STK31: variants seen among roughly 807,000 people sequenced by gnomAD.
STK31 encodes the protein serine/threonine-protein kinase 31.
Under a neutral mutation model 129.7 loss-of-function variants are expected in STK31, and 89 were observed. The ratio of observed to expected loss-of-function variants is 0.69; its 90% CI spans 0.58 to 0.82. The LOEUF (loss-of-function observed/expected upper bound fraction) is 0.82, where lower values mean the gene tolerates loss of function less well. Among genes scored for constraint, STK31 ranks in the 40% least tolerant of loss-of-function variants. The pLI is 0.00. For synonymous variants in STK31, 448 were observed against 395.3 expected (o/e 1.13, Z -1.58); for missense variants, 1,187 against 1,176.4 (o/e 1.01, Z -0.13).
At chr7:23,753,463 C>T (rs184711578) in intron 9 of STK31, among the ~76,000 whole-genome samples, 1 of 152,248 alleles carries the variant, frequency 6.6e-6, no homozygotes, top group African/African-American at 2.4e-5. Flanking sequence ...TGGCCACCTG[C>T]AACCCCTGGA....
At chr7:23,714,676 A>G (rs1467169633) in intron 3 of STK31, among the ~76,000 whole-genome samples, 1 of 152,174 alleles carries the variant, frequency 6.6e-6, no homozygotes, top group Non-Finnish European at 1.5e-5. Context: ...CCATATTTCA[A>G]GTGGGTATTG....
chr7:23,785,723 CATG>C, intron 18 of STK31, 120 bp downstream of exon 18: 1 of 1,297,722 alleles, frequency 7.7e-7, no homozygotes, highest in Non-Finnish European at 1.0e-6. Context: ...AGTTGACTGG[CATG>C]ATAATTGTGC....
chr7:23,712,862 G>T (rs550013393), intron 3 of STK31, among the ~76,000 whole-genome samples: 3 of 152,124 alleles, frequency 2.0e-5, no homozygotes, highest in Admixed American at 6.5e-5. Flanking sequence ...TGCACAGAAC[G>T]ACCTGCTAAT....
chr7:23,766,358 G>C (rs1213754267), intron 11 of STK31, among the ~76,000 whole-genome samples: 1 of 152,074 alleles, frequency 6.6e-6, no homozygotes, highest in Non-Finnish European at 1.5e-5. Flanking sequence ...TGGCTCCTGG[G>C]TTCAAGCAAT....
intron 15 of STK31, among the ~76,000 whole-genome samples, chr7:23,780,209 G>A (rs1223017966): frequency 6.6e-6 from 1 of 152,070 alleles, no homozygotes. Flanking sequence ...GGGTACCTCA[G>A]TTTGAAATGC....
rs368305296 is a variant in STK31, at chr7:23,781,549, A to C, written c.2067+29A>C. ...AGTATTTGGTTCTTTGAAGTTTTACATTAGGTTTTACTCTAGAAATTGAAT... is the reference window on the plus strand; with the variant it reads ...AGTATTTGGTTCTTTGAAGTTTTACCTTAGGTTTTACTCTAGAAATTGAAT... On this transcript the variant is annotated intron_variant, in intron 16 of 23. Coordinates refer to ENST00000355870, the MANE Select transcript of STK31 (RefSeq NM_031414.5). 6.6e-6 allele frequency: 10 copies of C among 1,515,608 alleles called. No individual in the cohort carries two copies. In the African/African-American group the frequency reaches 9.7e-5, roughly 15 times the overall value. 93.9% of individuals were successfully genotyped at this position (1,515,608 alleles called of 1,614,324 possible).
At chr7:23,798,178 G>A (rs186477221) in intron 22 of STK31, among the ~76,000 whole-genome samples, 492 of 152,226 alleles carry the variant, frequency 3.2e-3, no homozygotes, top group African/African-American at 0.012. Context: ...GGTACAAAGA[G>A]GAGCTAGTAC....
chr7:23,825,560 C>T (rs1170419805), intron 23 of STK31, among the ~76,000 whole-genome samples: 1 of 152,086 alleles, frequency 6.6e-6, no homozygotes, highest in Admixed American at 6.5e-5. Flanking sequence ...CTCCTGGATT[C>T]ATTGATTTTT....
At chr7:23,802,012 G>T (rs1792403602) in intron 22 of STK31, among the ~76,000 whole-genome samples, 1 of 151,814 alleles carries the variant, frequency 6.6e-6, no homozygotes, top group African/African-American at 2.4e-5. Flanking sequence ...TTCCTTTTTT[G>T]TATATATTTT....
intron 7 of STK31, 21 bp from the exon 8 acceptor site, chr7:23,736,883 T>A (rs1158154947): frequency 1.3e-6 from 2 of 1,581,466 alleles, no homozygotes; most frequent in African/African-American, 2.7e-5. Flanking sequence ...TTTGTCAAAA[T>A]AAATGAATTT....
intron 17 of STK31, among the ~76,000 whole-genome samples, 191 bp from the exon 18 acceptor site, chr7:23,785,287 C>T (rs1019062192): frequency 5.9e-5 from 9 of 152,150 alleles, no homozygotes; most frequent in Admixed American, 1.3e-4. Flanking sequence ...GGTGATTACA[C>T]TTTGGGTAGG....
intron 23 of STK31, among the ~76,000 whole-genome samples, chr7:23,824,288 T>G (rs1793974019): frequency 6.6e-6 from 1 of 152,352 alleles, no homozygotes; most frequent in Non-Finnish European, 1.5e-5. Context: ...CAGTGGTTTG[T>G]AGTTCTCCTT....
At chr7:23,822,232 G>C (rs1379991627) in intron 23 of STK31, among the ~76,000 whole-genome samples, 1 of 151,998 alleles carries the variant, frequency 6.6e-6, no homozygotes, top group Non-Finnish European at 1.5e-5. Context: ...GGGTAGTATG[G>C]GCATTTTAAC....
intron 5 of STK31, among the ~76,000 whole-genome samples, chr7:23,727,829 G>A (rs1475070457): frequency 6.6e-6 from 1 of 151,604 alleles, no homozygotes; most frequent in Non-Finnish European, 1.5e-5. Flanking sequence ...GAAAGTGCTG[G>A]GATTACAGGA....
chr7:23,763,232 AAAATGTAGTAGG>A (rs764847157), intron 11 of STK31, among the ~76,000 whole-genome samples: 7 of 152,160 alleles, frequency 4.6e-5, no homozygotes, highest in Middle Eastern at 3.2e-3. Flanking sequence ...ATTCTAGCAG[AAAATGTAGTAGG>A]ACCACATGTT....
At chr7:23,771,648 A>T (rs1790202480) in intron 14 of STK31, 1 of 152,844 alleles carries the variant, frequency 6.5e-6, no homozygotes, top group Non-Finnish European at 1.5e-5. Flanking sequence ...TTAACCTTTC[A>T]TGTGTGTTGG....
chr7:23,822,480 A>G (rs1205386022), intron 23 of STK31, among the ~76,000 whole-genome samples: 1 of 152,050 alleles, frequency 6.6e-6, no homozygotes, highest in African/African-American at 2.4e-5. Context: ...TTACATGTTG[A>G]TTCTATATCC....
chr7:23,831,857 C>T (rs767165554), intron 23 of STK31, among the ~76,000 whole-genome samples: 20 of 152,106 alleles, frequency 1.3e-4, no homozygotes, highest in Admixed American at 5.9e-4. Flanking sequence ...AACTCCTGAC[C>T]GCAGGTGACC....
chr7:23,829,173 A>C (rs1481351892), intron 23 of STK31, among the ~76,000 whole-genome samples: 1 of 152,038 alleles, frequency 6.6e-6, no homozygotes. Context: ...GGCCTCCCAA[A>C]GTGATGGGAT....
Sources: gnomAD v4.1 joint callset for allele counts (sites outside exome capture counted in the v4.1 genomes callset) on GRCh38, gnomAD v4.1.1 for gene constraint, MANE v1.5 for transcripts, NCBI Gene and HGNC (gene_info 2026-07-23, HGNC 2026-07-21) for gene names.